The following RABGAP1L variants were observed in gnomAD, a reference collection of about 807,000 sequenced individuals.
RABGAP1L encodes the protein RAB GTPase activating protein 1 like, also known as rab GTPase-activating protein 1-like.
In RABGAP1L, 63 loss-of-function variants were observed where a neutral mutation model predicts 137.7. The ratio of observed to expected loss-of-function variants is 0.46; its 90% confidence interval spans 0.37 to 0.56. The LOEUF is 0.56. Among genes scored for constraint, RABGAP1L ranks in the 20% least tolerant of loss-of-function variants. The probability of loss-of-function intolerance (pLI) is 0.00; values close to 1 mark genes in which losing one functional copy is unlikely to be tolerated. For synonymous variants in RABGAP1L, 431 were observed against 433.7 expected (o/e 0.99, Z 0.08); for missense variants, 1,095 against 1,244.0 (o/e 0.88, Z 1.80).
At chr1:174,568,885 G>A (rs12079118) in intron 13 of RABGAP1L, among the ~76,000 whole-genome samples, 53,643 of 152,044 alleles carry the variant, frequency 0.35, 12,100 homozygotes, top group African/African-American at 0.64. Flanking sequence ...ATTTTTAACA[G>A]TTAGAAGGAA....
At chr1:174,457,873 C>T (rs1656219671) in intron 13 of RABGAP1L, among the ~76,000 whole-genome samples, 1 of 152,116 alleles carries the variant, frequency 6.6e-6, no homozygotes, top group South Asian at 2.1e-4. Context: ...AAGTGAATGT[C>T]ACTATATGCA....
At chr1:174,615,132 C>T (rs1012045164) in intron 13 of RABGAP1L, among the ~76,000 whole-genome samples, 3 of 152,136 alleles carry the variant, frequency 2.0e-5, no homozygotes, top group Admixed American at 6.5e-5. Context: ...GAACTGCGTT[C>T]CTTTGGAGGA....
At chr1:174,526,069 T>C (rs1172330579) in intron 13 of RABGAP1L, among the ~76,000 whole-genome samples, 2 of 152,150 alleles carry the variant, frequency 1.3e-5, no homozygotes, top group East Asian at 3.8e-4. Flanking sequence ...TGGTCATTTG[T>C]ATGTCTTCTT....
chr1:174,169,209 T>C (rs1159449955), intron 1 of RABGAP1L, among the ~76,000 whole-genome samples: 1 of 152,128 alleles, frequency 6.6e-6, no homozygotes, highest in Admixed American at 6.5e-5. Context: ...TCCCTACCAT[T>C]TGAAAATATA....
intron 13 of RABGAP1L, among the ~76,000 whole-genome samples, chr1:174,502,406 T>TTTTTAGTTC (rs1661363953): frequency 6.6e-6 from 1 of 151,610 alleles, no homozygotes; most frequent in African/African-American, 2.4e-5. Context: ...TCTGATCACA[T>TTTTTAGTTC]TTTTAGTTCT....
At position 174,822,627 on chromosome 1, in the gene RABGAP1L, A is replaced by G. The variant is rs555138591; in HGVS notation, c.2340+10667A>G. ...GAGGGCATTAGATTCTCATAGACAG[A>G]GCAGTCTAGATCCCTTGCATGTGCA... On this transcript the variant is annotated intron_variant, in intron 19 of 25. Transcript: ENST00000681986. Among the ~76,000 whole-genome samples, 26 of 152,322 alleles carry G rather than the reference A, an allele frequency of 1.7e-4. No individual in the cohort carries two copies. The South Asian group carries it at 5.4e-3, about 32-fold the overall frequency.
chr1:174,163,415 A>G (rs1664664372), intron 1 of RABGAP1L, among the ~76,000 whole-genome samples: 1 of 152,162 alleles, frequency 6.6e-6, no homozygotes, highest in African/African-American at 2.4e-5. Context: ...GTTTATGCGC[A>G]TGCTAACTCT....
At chr1:174,423,408 T>A (rs532945191) in intron 13 of RABGAP1L, among the ~76,000 whole-genome samples, 3 of 152,192 alleles carry the variant, frequency 2.0e-5, no homozygotes, top group Non-Finnish European at 4.4e-5. Context: ...TTTGGCAGCA[T>A]CTGATGTCCT....
At chr1:174,584,104 C>T (rs1311375731) in intron 13 of RABGAP1L, among the ~76,000 whole-genome samples, 2 of 151,980 alleles carry the variant, frequency 1.3e-5, no homozygotes, top group South Asian at 4.2e-4. Flanking sequence ...TGGGGTGGGG[C>T]GGGGAAGTCC....
intron 13 of RABGAP1L, among the ~76,000 whole-genome samples, chr1:174,618,151 G>A (rs918264213): frequency 6.6e-6 from 1 of 152,270 alleles, no homozygotes; most frequent in African/African-American, 2.4e-5. Context: ...TGGGAAGCTC[G>A]AACTGAGTGG....
At chr1:174,910,682 T>C (rs1179116131) in intron 19 of RABGAP1L, among the ~76,000 whole-genome samples, 1 of 152,138 alleles carries the variant, frequency 6.6e-6, no homozygotes, top group African/African-American at 2.4e-5. Context: ...ACCACAAAAC[T>C]GATAGAACTG....
At chr1:174,611,615 G>A (rs1572503640) in intron 13 of RABGAP1L, among the ~76,000 whole-genome samples, 1 of 150,516 alleles carries the variant, frequency 6.6e-6, no homozygotes, top group East Asian at 1.9e-4. Context: ...AGCTTGATGG[G>A]GATGGCATTG....
chr1:174,279,296 G>A (rs565718515), intron 10 of RABGAP1L, among the ~76,000 whole-genome samples: 1 of 151,926 alleles, frequency 6.6e-6, no homozygotes, highest in African/African-American at 2.4e-5. Context: ...CTCAAATTAG[G>A]CAGTATTAGT....
intron 17 of RABGAP1L, among the ~76,000 whole-genome samples, chr1:174,706,625 A>C (rs1160040414): frequency 6.6e-6 from 1 of 152,130 alleles, no homozygotes; most frequent in African/African-American, 2.4e-5. Flanking sequence ...TGTAGAACTT[A>C]ATGATTTTTC....
chr1:174,181,683 G>A (rs1003045150), intron 1 of RABGAP1L, among the ~76,000 whole-genome samples: 2 of 152,114 alleles, frequency 1.3e-5, no homozygotes, highest in Non-Finnish European at 2.9e-5. Context: ...TATCCATGGG[G>A]GATCCTGGAA....
intron 11 of RABGAP1L, among the ~76,000 whole-genome samples, chr1:174,355,341 T>C (rs1264499552): frequency 2.6e-5 from 4 of 151,802 alleles, no homozygotes; most frequent in Non-Finnish European, 5.9e-5. Context: ...GAAACCATCA[T>C]TCTCAGCAAA....
intron 13 of RABGAP1L, among the ~76,000 whole-genome samples, chr1:174,534,920 T>A (rs1408005918): frequency 1.3e-5 from 2 of 152,138 alleles, no homozygotes; most frequent in African/African-American, 4.8e-5. Context: ...GTTGATCTGA[T>A]GACAGTTGAA....
At chr1:174,710,962 G>A (rs995922454) in intron 17 of RABGAP1L, among the ~76,000 whole-genome samples, 5 of 152,248 alleles carry the variant, frequency 3.3e-5, no homozygotes, top group South Asian at 2.1e-4. Flanking sequence ...AGGAGCCCAC[G>A]GTGGCGGGGA....
chr1:174,167,991 G>T (rs1198037849), intron 1 of RABGAP1L, among the ~76,000 whole-genome samples: 1 of 152,064 alleles, frequency 6.6e-6, no homozygotes, highest in African/African-American at 2.4e-5. Flanking sequence ...ATGGCCGGGG[G>T]TGGTGGCCCA....
Sources: gnomAD v4.1 joint callset for allele counts (sites outside exome capture counted in the v4.1 genomes callset) on GRCh38, gnomAD v4.1.1 for gene constraint, MANE v1.5 for transcripts, NCBI Gene and HGNC (gene_info 2026-07-23, HGNC 2026-07-21) for gene names.